DENND5B: variants seen among roughly 807,000 people sequenced by gnomAD.
DENND5B encodes the protein DENN domain-containing protein 5B.
In DENND5B, 34 loss-of-function variants were observed where a neutral mutation model predicts 140.6. That is an observed-to-expected ratio of 0.24 (90% CI 0.18 to 0.32). DENND5B has a LOEUF of 0.32. Ranked by LOEUF, DENND5B falls within the 10% of genes least tolerant of loss-of-function variation. The pLI, the probability that DENND5B is intolerant of heterozygous loss-of-function variation, is 1.00. For missense variants in DENND5B, 1,142 were observed against 1,560.2 expected, an observed-to-expected ratio of 0.73 and a Z score of 4.52; for synonymous variants, 551 against 562.1, an observed-to-expected ratio of 0.98 and a Z score of 0.28.
rs1249705729 is a variant in DENND5B, at chr12:31,383,599, A to C, written c.*4004T>G. On this transcript the variant is annotated 3_prime_UTR_variant, in exon 21 of 21. Transcript: ENST00000389082. ...CACTTCTGCAAGGTTGAAGTTTCTC[A>C]TATCAAATTCTCATTCCCAGTGGAA... The C allele has an allele frequency of 6.6e-6, 1 of 152,214 alleles. No individual in the cohort carries two copies. The allele number at this position is 152,214 out of a possible 1,614,324, so 9.4% of individuals were successfully genotyped here. A position where few individuals can be genotyped will look rare whatever the true frequency, so the allele number is the denominator to read the frequency against.
At chr12:31,460,990 T>A (rs1360910276) in intron 3 of DENND5B, among the ~76,000 whole-genome samples, 1 of 152,176 alleles carries the variant, frequency 6.6e-6, no homozygotes, top group Non-Finnish European at 1.5e-5. Context: ...CCTCCCAAAG[T>A]GCTGGGATTA....
chr12:31,416,694 G>C (rs1171052759), intron 11 of DENND5B, among the ~76,000 whole-genome samples: 2 of 151,292 alleles, frequency 1.3e-5, no homozygotes, highest in Non-Finnish European at 2.9e-5. Flanking sequence ...TTAAACTCTT[G>C]AGTGTTTGAA....
intron 5 of DENND5B, among the ~76,000 whole-genome samples, chr12:31,448,408 T>C (rs1323070260): frequency 6.6e-6 from 1 of 152,210 alleles, no homozygotes; most frequent in Non-Finnish European, 1.5e-5. Flanking sequence ...GTGCTGGGAT[T>C]ACAGGCGTGA....
intron 6 of DENND5B, among the ~76,000 whole-genome samples, chr12:31,446,914 A>G (rs538082227): frequency 5.7e-4 from 86 of 151,324 alleles, no homozygotes; most frequent in Non-Finnish European, 1.0e-3. Context: ...AAAGAAAAAG[A>G]AAAAGAAACA....
At position 31,392,679 on chromosome 12, in the gene DENND5B, T is replaced by A; in HGVS notation, c.3274A>T (p.Ile1092Leu). 1.3e-6 allele frequency: 2 copies of A among 1,556,780 alleles called. No individual in the cohort carries two copies. Among genetic ancestry groups the A allele is most frequent in the Non-Finnish European group, 1.7e-6 (2 of 1,149,144 alleles). Residue 1092 changes from isoleucine to leucine, a missense_variant, in exon 18 of 21, where the codon ATA becomes TTA. Around this residue, in one of 5 missense-constraint regions of DENND5B, gnomAD observed 268 missense variants for 349.2 expected, o/e 0.77. Transcript: ENST00000389082. ...GKNNKPNAGQ[I>L]QEGIGEAVNN... ...ACAGCTTCTCCAATTCCTTCTTGTA[T>A]CTGCCCAGCATTGGGTTCTGTAAAA...
At chr12:31,559,209 T>C (rs530629269) in intron 1 of DENND5B, among the ~76,000 whole-genome samples, 1 of 152,320 alleles carries the variant, frequency 6.6e-6, no homozygotes, top group Non-Finnish European at 1.5e-5. Context: ...GAGGAAACGA[T>C]GAACTCATGG....
intron 5 of DENND5B, among the ~76,000 whole-genome samples, chr12:31,450,938 A>T (rs1428271608): frequency 6.6e-6 from 1 of 152,204 alleles, no homozygotes; most frequent in Non-Finnish European, 1.5e-5. Context: ...TGGCAGAAGA[A>T]TCCAGTACCC....
intron 1 of DENND5B, among the ~76,000 whole-genome samples, chr12:31,517,023 A>C (rs1947683803): frequency 6.6e-6 from 1 of 152,002 alleles, no homozygotes; most frequent in Admixed American, 6.6e-5. Flanking sequence ...TTCCCTCCTG[A>C]ATTCAACAAA....
Position 31,384,113 on chromosome 12 carries a change from A to C in DENND5B, c.*3490T>G, listed in dbSNP as rs991823770. The C allele has an allele frequency of 6.6e-6, 1 of 152,204 alleles. No individual in the cohort carries two copies. Among genetic ancestry groups the C allele is most frequent in the Non-Finnish European group, 1.5e-5 (1 of 68,044 alleles). 9.4% of individuals were successfully genotyped at this position (152,204 alleles called of 1,614,324 possible). A position where few individuals can be genotyped will look rare whatever the true frequency, so the allele number is the denominator to read the frequency against. On this transcript the variant is annotated 3_prime_UTR_variant, in exon 21 of 21. Transcript: ENST00000389082. ...GCTTAAAAGTCAAGCATTTATTCTA[A>C]GCATTCTGCTACTACTGTTGTGCTC... is the stretch of plus-strand genomic sequence containing the variant.
intron 1 of DENND5B, among the ~76,000 whole-genome samples, chr12:31,520,488 A>G (rs1947834653): frequency 6.6e-6 from 1 of 152,236 alleles, no homozygotes; most frequent in Non-Finnish European, 1.5e-5. Flanking sequence ...AAGCAAAGAA[A>G]GTTAATAGAA....
rs1376786318 is a variant in DENND5B at position 31,590,988 on chromosome 12, C to T, written c.-156G>A. ...AGCCGCCTCTCGCCGCCGCAGCCTG[C>T]CTCCTCGCTCGGCGCGGGGGAAGCG... On this transcript the variant is annotated 5_prime_UTR_variant, in exon 1 of 21. Transcript: ENST00000389082. 6 of 844,402 alleles carry T rather than the reference C, an allele frequency of 7.1e-6. No individual in the cohort carries two copies. Among genetic ancestry groups the T allele is most frequent in the Non-Finnish European group, 8.7e-6 (6 of 689,906 alleles). The allele number at this position is 844,402 out of a possible 1,614,324, so 52.3% of individuals were successfully genotyped here.
At chr12:31,467,034 A>G (rs1263954888) in intron 3 of DENND5B, among the ~76,000 whole-genome samples, 1 of 152,194 alleles carries the variant, frequency 6.6e-6, no homozygotes, top group Admixed American at 6.5e-5. Context: ...ACAGGAAACC[A>G]GAAGATGATA....
intron 1 of DENND5B, among the ~76,000 whole-genome samples, chr12:31,524,448 T>G (rs1208720487): frequency 1.3e-5 from 2 of 151,730 alleles, no homozygotes; most frequent in Non-Finnish European, 2.9e-5. Flanking sequence ...AGGTCAGGAG[T>G]TCCAGACCAG....
intron 1 of DENND5B, among the ~76,000 whole-genome samples, chr12:31,552,380 G>A (rs1373412867): frequency 6.6e-6 from 1 of 152,190 alleles, no homozygotes; most frequent in Non-Finnish European, 1.5e-5. Context: ...ATTTGTGTAT[G>A]TTGAACCAGC....
chr12:31,418,282 C>CTTTTTTTTTTT lies in DENND5B; in HGVS notation c.2471-2845_2471-2835dup, dbSNP rs66507414. 4.5e-5 allele frequency among the ~76,000 whole-genome samples: 6 copies of CTTTTTTTTTTT among 133,060 alleles called. 1 individual carries two copies. The highest frequency in any genetic ancestry group is 8.2e-5 in the Admixed American group (1 of 12,188). 87.3% of individuals were successfully genotyped at this position (133,060 alleles called of 152,430 possible). ...AAGAAAGCATATCTTTTTTTCTTTT[C>CTTTTTTTTTTT]TTTTTTTTTTTTTTTTGAGATAGGG... On this transcript the variant is annotated intron_variant, in intron 11 of 20. Transcript: ENST00000389082.
rs1387721104 is a variant in DENND5B, at chr12:31,382,351, ACT to A, written c.*5250_*5251del. 1 of 152,090 alleles carries A rather than the reference ACT, an allele frequency of 6.6e-6. No homozygotes were observed. The highest frequency in any genetic ancestry group is 2.4e-5 in the African/African-American group (1 of 41,408). The allele number at this position is 152,090 out of a possible 1,614,324, so 9.4% of individuals were successfully genotyped here. On this transcript the variant is annotated 3_prime_UTR_variant, in exon 21 of 21. Coordinates refer to ENST00000389082, the MANE Select transcript of DENND5B (RefSeq NM_144973.4). ...ATGTTAAAGTGCTTAATATCACAAT[ACT>A]CTTTCAAATTTTATATTATGTTCAG...
intron 5 of DENND5B, among the ~76,000 whole-genome samples, chr12:31,448,813 C>T (rs1265664778): frequency 6.6e-6 from 1 of 151,986 alleles, no homozygotes; most frequent in Non-Finnish European, 1.5e-5. Flanking sequence ...GAGTTTGAGG[C>T]CAGCCTAAAG....
At chr12:31,545,916 A>ACTCCAGT (rs1202149991) in intron 1 of DENND5B, among the ~76,000 whole-genome samples, 1 of 134,294 alleles carries the variant, frequency 7.4e-6, no homozygotes, top group Non-Finnish European at 1.5e-5. Flanking sequence ...ACAACACTGC[A>ACTCCAGT]CTCCAGTATG....
intron 15 of DENND5B, among the ~76,000 whole-genome samples, chr12:31,400,854 T>TG (rs1018845882): frequency 2.4e-4 from 36 of 151,384 alleles, no homozygotes; most frequent in Non-Finnish European, 3.8e-4. Context: ...TTTTTTGTTT[T>TG]TTTTTTAGAC....
Sources: gnomAD v4.1 joint callset for allele counts (sites outside exome capture counted in the v4.1 genomes callset) on GRCh38, gnomAD v4.1.1 for gene constraint, gnomAD v4.1.1 regional missense constraint, MANE v1.5 for transcripts, NCBI Gene and HGNC (gene_info 2026-07-23, HGNC 2026-07-21) for gene names.